SH3RF3: variants seen among roughly 807,000 people sequenced by gnomAD.
The protein encoded by SH3RF3 is SH3 domain containing ring finger 3, also known as E3 ubiquitin-protein ligase SH3RF3.
In SH3RF3, 29 loss-of-function variants were observed where a neutral mutation model predicts 66.3. The ratio of observed to expected loss-of-function variants is 0.44; its 90% CI spans 0.33 to 0.60. The LOEUF is 0.60. SH3RF3 is among the 20% of genes least tolerant of loss of function. SH3RF3 has a pLI of 0.04. For synonymous variants in SH3RF3, 583 were observed against 532.0 expected (o/e 1.10, Z -1.32); for missense variants, 1,194 against 1,190.9 (o/e 1.00, Z -0.04).
At chr2:109,176,956 C>T (rs1677929955) in intron 1 of SH3RF3, among the ~76,000 whole-genome samples, 1 of 152,148 alleles carries the variant, frequency 6.6e-6, no homozygotes, top group African/African-American at 2.4e-5. Context: ...GGAGATTTGG[C>T]ATTTTAGGTG....
chr2:109,469,429 GCT>G (rs1266005853), intron 8 of SH3RF3, among the ~76,000 whole-genome samples: 1 of 152,190 alleles, frequency 6.6e-6, no homozygotes, highest in Non-Finnish European at 1.5e-5. Flanking sequence ...TGCATCCGCT[GCT>G]CTGTCGAGGA....
intron 3 of SH3RF3, among the ~76,000 whole-genome samples, chr2:109,396,875 C>G (rs1255040308): frequency 1.3e-5 from 2 of 152,278 alleles, no homozygotes; most frequent in Non-Finnish European, 2.9e-5. Context: ...CCTTCACTTG[C>G]CTGCTGTGGT....
intron 1 of SH3RF3, among the ~76,000 whole-genome samples, chr2:109,166,749 C>G (rs1278778953): frequency 6.6e-6 from 1 of 152,188 alleles, no homozygotes; most frequent in Admixed American, 6.5e-5. Context: ...TTGGTGATTG[C>G]CATAGGTTCT....
chr2:109,493,849 TACAA>T (rs1679190826), intron 9 of SH3RF3, among the ~76,000 whole-genome samples: 1 of 152,034 alleles, frequency 6.6e-6, no homozygotes, highest in South Asian at 2.1e-4. Context: ...AACCACATAA[TACAA>T]ACACATATTC....
intron 3 of SH3RF3, among the ~76,000 whole-genome samples, chr2:109,397,632 G>T (rs762416394): frequency 2.6e-5 from 4 of 152,140 alleles, no homozygotes; most frequent in Non-Finnish European, 4.4e-5. Flanking sequence ...ACCTAACTGA[G>T]GCCCTGAGGA....
In SH3RF3 at chr2:109,294,598, A is replaced by T. The variant is rs1163734998; in HGVS notation, c.574-53076A>T. ...TTAATTAAAAAAAAGGTAAAAAAAA[A>T]AAAAAGAATTGCTGTGAGAGCCATC... is the stretch of plus-strand genomic sequence containing the variant. On this transcript the variant is annotated intron_variant, in intron 1 of 9. Transcript: ENST00000309415. 5.9e-5 allele frequency among the ~76,000 whole-genome samples: 9 copies of T among 152,034 alleles called. No homozygotes were observed. The East Asian group carries it at 1.7e-3, about 29-fold the overall frequency.
chr2:109,382,831 G>T (rs532288888), intron 3 of SH3RF3, among the ~76,000 whole-genome samples: 1 of 152,222 alleles, frequency 6.6e-6, no homozygotes, highest in Non-Finnish European at 1.5e-5. Flanking sequence ...GATTCCTAGT[G>T]CAGAGACATT....
chr2:109,165,108 C>G (rs1383595424), intron 1 of SH3RF3, among the ~76,000 whole-genome samples: 5 of 152,184 alleles, frequency 3.3e-5, no homozygotes, highest in African/African-American at 1.2e-4. Flanking sequence ...GCTAGTTGTT[C>G]CTGGCTTCCC....
intron 8 of SH3RF3, among the ~76,000 whole-genome samples, chr2:109,477,342 A>T (rs1310066993): frequency 6.6e-6 from 1 of 152,166 alleles, no homozygotes; most frequent in Admixed American, 6.5e-5. Flanking sequence ...CCATGAAAAA[A>T]GTGACAGGTA....
At chr2:109,401,223 C>G (rs1676304300) in intron 4 of SH3RF3, among the ~76,000 whole-genome samples, 1 of 152,210 alleles carries the variant, frequency 6.6e-6, no homozygotes, top group Non-Finnish European at 1.5e-5. Context: ...TGGGGTCCCT[C>G]CTTGGCAACC....
intron 1 of SH3RF3, among the ~76,000 whole-genome samples, chr2:109,322,896 GA>G (rs1682059717): frequency 6.6e-6 from 1 of 152,210 alleles, no homozygotes; most frequent in Non-Finnish European, 1.5e-5. Context: ...GTAATGTTAA[GA>G]TGAGGCCAAG....
At chr2:109,213,261 C>T (rs1272450931) in intron 1 of SH3RF3, among the ~76,000 whole-genome samples, 1 of 152,210 alleles carries the variant, frequency 6.6e-6, no homozygotes, top group African/African-American at 2.4e-5. Context: ...CAGGACATGG[C>T]TCTTCCTCCC....
At chr2:109,131,538 A>G (rs1341082073) in intron 1 of SH3RF3, among the ~76,000 whole-genome samples, 2 of 152,214 alleles carry the variant, frequency 1.3e-5, no homozygotes, top group Non-Finnish European at 2.9e-5. Flanking sequence ...ACGCTGGGAC[A>G]TTCTGATGAC....
At chr2:109,325,985 A>T (rs1320658860) in intron 1 of SH3RF3, among the ~76,000 whole-genome samples, 1 of 152,260 alleles carries the variant, frequency 6.6e-6, no homozygotes, top group Non-Finnish European at 1.5e-5. Context: ...GTCATGTTTA[A>T]AGAAGAACAA....
intron 4 of SH3RF3, among the ~76,000 whole-genome samples, chr2:109,401,186 C>CA (rs1676303722): frequency 6.6e-6 from 1 of 152,244 alleles, no homozygotes; most frequent in South Asian, 2.1e-4. Flanking sequence ...TCACCAATGA[C>CA]AAAGTGTGAT....
intron 6 of SH3RF3, among the ~76,000 whole-genome samples, chr2:109,435,131 A>T (rs1339259225): frequency 6.6e-6 from 1 of 152,180 alleles, no homozygotes; most frequent in Non-Finnish European, 1.5e-5. Flanking sequence ...CAGTGTCAGG[A>T]GGTCATTGAG....
chr2:109,192,840 A>G (rs573220565), intron 1 of SH3RF3, among the ~76,000 whole-genome samples: 14 of 152,330 alleles, frequency 9.2e-5, no homozygotes, highest in Non-Finnish European at 1.8e-4. Context: ...GATTCACCAT[A>G]CATTTCTCCT....
chr2:109,301,087 T>C (rs1201314537), intron 1 of SH3RF3, among the ~76,000 whole-genome samples: 1 of 152,224 alleles, frequency 6.6e-6, no homozygotes, highest in Non-Finnish European at 1.5e-5. Flanking sequence ...AAATTCTCAA[T>C]AAATAATCAT....
At chr2:109,447,147 T>TAAAAAAAAAAAAA (rs61240132) in intron 7 of SH3RF3, among the ~76,000 whole-genome samples, 1 of 82,692 alleles carries the variant, frequency 1.2e-5, no homozygotes, top group African/African-American at 3.8e-5. Flanking sequence ...CCTGAATATT[T>TAAAAAAAAAAAAA]AAAAAAAAAA....
Sources: gnomAD v4.1 joint callset for allele counts (sites outside exome capture counted in the v4.1 genomes callset) on GRCh38, gnomAD v4.1.1 for gene constraint, MANE v1.5 for transcripts, NCBI Gene and HGNC (gene_info 2026-07-23, HGNC 2026-07-21) for gene names.